The following ZC3H4 variants were observed in gnomAD, a reference collection of about 807,000 sequenced individuals.
ZC3H4 encodes zinc finger CCCH-type containing 4.
A neutral mutation model predicts 108.3 loss-of-function variants in ZC3H4; 13 were observed. The ratio of observed to expected loss-of-function variants is 0.12; its 90% CI spans 0.08 to 0.19. The LOEUF (loss-of-function observed/expected upper bound fraction) is 0.19. Among genes scored for constraint, ZC3H4 ranks in the 10% least tolerant of loss-of-function variants. The pLI is 1.00. For synonymous variants in ZC3H4, 917 were observed against 749.6 expected (o/e 1.22, Z -3.65); for missense variants, 1,734 against 1,838.8 (o/e 0.94, Z 1.04).
Position 47,085,094 on chromosome 19 carries a change from T to C in ZC3H4, c.1069A>G (p.Met357Val), listed in dbSNP as rs774988628. The C allele has an allele frequency of 6.8e-6, 11 of 1,614,108 alleles. No individual in the cohort carries two copies. The Admixed American group carries it at 1.2e-4, about 17-fold the overall frequency. Residue 357 changes from methionine (M) to valine (V), a missense_variant, in exon 8 of 15, where the codon ATG (methionine) becomes GTG (valine). Around this residue, in one of 9 missense-constraint regions of ZC3H4, gnomAD observed 403 missense variants for 457.0 expected, o/e 0.88. Transcript: ENST00000253048. The stretch of plus-strand genomic sequence containing the variant: ...TCATAGAAGTCTTCGTCATCGTTCA[T>C]TCCGCCCTTGTTCATCCCTCCTCGG... ...GSRGGMNKGG[M>V]NDDEDFYDED...
rs1353099622 is a variant in ZC3H4, at chr19:47,094,621, C to T, written c.162-13G>A. ...CTCTCCATCTTCCCTACAAACAAAC[C>T]CCAATCCCACCATGAACACAGGGTT... On this transcript the variant is annotated splice_polypyrimidine_tract_variant and intron_variant, in intron 2 of 14. Transcript: ENST00000253048. 1 of 1,613,572 alleles carries T rather than the reference C, an allele frequency of 6.2e-7. No homozygotes were observed. Among genetic ancestry groups the T allele is most frequent in the East Asian group, 2.2e-5 (1 of 44,868 alleles).
In ZC3H4 at chr19:47,081,519, C is replaced by T. The variant is rs2057523236; in HGVS notation, c.1434G>A (p.Leu478=). ...DPLTEETREL[L]DKMLADDAEA... ...CGTTACCCCCGGACATTACCTTATC[C>T]AAGAGCTCCCTCGTCTCTTCGGTCA... The change falls in exon 11 of 15, where the codon TTG becomes TTA. Residue 478 remains leucine, a synonymous_variant. Transcript: ENST00000253048. 6.2e-7 allele frequency: 1 copy of T among 1,614,188 alleles called. No individual in the cohort carries two copies. Among genetic ancestry groups the T allele is most frequent in the Non-Finnish European group, 8.5e-7 (1 of 1,180,018 alleles).
rs745874098 is a variant in ZC3H4 at position 47,066,787 on chromosome 19, T to G, written c.3481A>C (p.Thr1161Pro). ...PRTPNAGGKA[T>P]EPAADTGAQP... Reference sequence around the variant, plus strand: ...GCACCCGTGTCAGCAGCCGGCTCTGTGGCTTTGCCCCCCGCGTTGGGAGTC... The same window carrying G: ...GCACCCGTGTCAGCAGCCGGCTCTGGGGCTTTGCCCCCCGCGTTGGGAGTC... The change falls in exon 15 of 15, where the codon ACA becomes CCA. Residue 1161 changes from threonine to proline, a missense_variant. This residue lies in a region of ZC3H4 where 518 missense variants were observed against 499.6 expected (regional missense o/e 1.04). Coordinates refer to ENST00000253048, the MANE Select transcript of ZC3H4 (RefSeq NM_015168.2). 44 of 1,601,520 alleles carry G rather than the reference T, an allele frequency of 2.7e-5. No homozygotes were observed. Among genetic ancestry groups the G allele is most frequent in the Non-Finnish European group, 3.6e-5 (43 of 1,178,350 alleles).
chr19:47,103,108 C>A (rs549784650), intron 2 of ZC3H4, among the ~76,000 whole-genome samples: 40 of 152,280 alleles, frequency 2.6e-4, no homozygotes, highest in Admixed American at 9.2e-4. Context: ...ATCCAAGTTA[C>A]TCCTGGCAGA....
At chr19:47,088,286 G>A (rs1187219195) in intron 5 of ZC3H4, among the ~76,000 whole-genome samples, 2 of 151,926 alleles carry the variant, frequency 1.3e-5, no homozygotes, top group Non-Finnish European at 2.9e-5. Context: ...AGTGGCTCAC[G>A]CCTGTAATCC....
chr19:47,071,280 G>A (rs530770534), intron 13 of ZC3H4, among the ~76,000 whole-genome samples: 2 of 152,282 alleles, frequency 1.3e-5, no homozygotes, highest in Admixed American at 6.5e-5. Context: ...CATCTCCTAT[G>A]GCTGCAGCAG....
At chr19:47,071,663 T>A in intron 13 of ZC3H4, 115 bp downstream of exon 13, 1 of 1,113,498 alleles carries the variant, frequency 9.0e-7, no homozygotes. Flanking sequence ...GGGACAGAGA[T>A]GGAGTCATGC....
chr19:47,095,847 C>T (rs1217552453), intron 2 of ZC3H4, among the ~76,000 whole-genome samples: 4 of 152,158 alleles, frequency 2.6e-5, no homozygotes, highest in Admixed American at 6.5e-5. Flanking sequence ...CAACTCCTTC[C>T]GTCTCAATTA....
At chr19:47,106,243 C>T (rs1434212474) in intron 2 of ZC3H4, among the ~76,000 whole-genome samples, 3 of 152,200 alleles carry the variant, frequency 2.0e-5, no homozygotes, top group Non-Finnish European at 4.4e-5. Context: ...TAGCTGTCCA[C>T]CACCCATCAC....
intron 5 of ZC3H4, among the ~76,000 whole-genome samples, chr19:47,089,230 AGAAT>A (rs1466161017): frequency 3.3e-5 from 5 of 149,606 alleles, no homozygotes; most frequent in African/African-American, 4.9e-5. Flanking sequence ...AAAAAAAAAA[AGAAT>A]GAATGAACAG....
rs903359676 is a variant in ZC3H4, at chr19:47,065,946, C to T, written c.*410G>A. On this transcript the variant is annotated 3_prime_UTR_variant, in exon 15 of 15. Transcript: ENST00000253048. ...GTCTCTTCGGGCACAGGGTGAGGAG[C>T]GTTCAATACCTTCCCAGACACCAAC... 1.2e-5 allele frequency: 2 copies of T among 161,730 alleles called. No individual in the cohort carries two copies. The highest frequency in any genetic ancestry group is 2.0e-4 in the South Asian group (1 of 5,020). The allele number at this position is 161,730 out of a possible 1,614,324, so 10.0% of individuals were successfully genotyped here.
At chr19:47,081,130 G>A (rs946034080) in intron 11 of ZC3H4, among the ~76,000 whole-genome samples, 7 of 152,062 alleles carry the variant, frequency 4.6e-5, no homozygotes, top group African/African-American at 1.7e-4. Context: ...GAACTCCTGA[G>A]CTCAACTGAT....
rs141967234 is a variant in ZC3H4, at chr19:47,067,831, C to T, written c.2437G>A (p.Gly813Ser). The change falls in exon 15 of 15, where the codon GGT becomes AGT. Residue 813 changes from glycine to serine, a missense_variant. By Grantham distance (56) the Gly-to-Ser change is moderately conservative. Around this residue, in one of 9 missense-constraint regions of ZC3H4, gnomAD observed 540 missense variants for 484.1 expected, o/e 1.12. Coordinates refer to ENST00000253048, the MANE Select transcript of ZC3H4 (RefSeq NM_015168.2). This position sits in a 1 kb window ranked among gnomAD's most constrained non-coding sequence, Gnocchi z 6.4. ...AGGATGGAGGTGACACTGCTTCCACCCTCATCCTCATCACTTGAGTACCAG... is the reference window on the plus strand; with the variant it reads ...AGGATGGAGGTGACACTGCTTCCACTCTCATCCTCATCACTTGAGTACCAG... ...GNWYSSDEDE[G>S]GSSVTSILKT... The T allele has an allele frequency of 1.2e-6, 2 of 1,606,054 alleles. No homozygotes were observed. The highest frequency in any genetic ancestry group is 1.3e-5 in the African/African-American group (1 of 74,920).
Position 47,065,030 on chromosome 19 carries a change from C to T in ZC3H4, c.*1326G>A, listed in dbSNP as rs139795017. 1 of 152,460 alleles carries T rather than the reference C, an allele frequency of 6.6e-6. No individual in the cohort carries two copies. Among genetic ancestry groups the T allele is most frequent in the East Asian group, 1.9e-4 (1 of 5,168 alleles). 9.4% of individuals were successfully genotyped at this position (152,460 alleles called of 1,614,324 possible). On this transcript the variant is annotated 3_prime_UTR_variant, in exon 15 of 15. Transcript: ENST00000253048. The stretch of plus-strand genomic sequence containing the variant: ...AGCCACAAGCACACACTTCCTGAGG[C>T]CCCTCAAGTGGCCCAGAGGCAGGAT...
At chr19:47,106,128 G>A (rs937743628) in intron 2 of ZC3H4, among the ~76,000 whole-genome samples, 1 of 152,186 alleles carries the variant, frequency 6.6e-6, no homozygotes, top group Non-Finnish European at 1.5e-5. Flanking sequence ...TGACCTTCAG[G>A]TCAATTGTGC....
chr19:47,076,791 G>C (rs989813945), intron 11 of ZC3H4, among the ~76,000 whole-genome samples: 1 of 152,022 alleles, frequency 6.6e-6, no homozygotes, highest in African/African-American at 2.4e-5. Context: ...TCAGGAGTTC[G>C]AGACCAGCCT....
chr19:47,112,634 G>C, intron 1 of ZC3H4, 45 bp from the exon 2 acceptor site: 1 of 1,212,490 alleles, frequency 8.2e-7, no homozygotes, highest in Non-Finnish European at 1.0e-6. Flanking sequence ...GGACTGCTTG[G>C]GCGTGGCGGG....
intron 2 of ZC3H4, among the ~76,000 whole-genome samples, chr19:47,107,564 C>CA (rs1385921187): frequency 6.4e-4 from 92 of 144,680 alleles, no homozygotes; most frequent in Non-Finnish European, 7.4e-4. Flanking sequence ...TGCGAAATGG[C>CA]AAAAAAAATA....
At position 47,081,504 on chromosome 19, in the gene ZC3H4, G is replaced by C. The variant is rs75022794; in HGVS notation, c.1440+9C>G. The C allele has an allele frequency of 2.5e-6, 4 of 1,613,406 alleles. No homozygotes were observed. Among genetic ancestry groups the C allele is most frequent in the Non-Finnish European group, 3.4e-6 (4 of 1,179,538 alleles). ...TGTAGCCGGGGGCCCCGTTACCCCC[G>C]GACATTACCTTATCCAAGAGCTCCC... is the stretch of plus-strand genomic sequence containing the variant. On this transcript the variant is annotated intron_variant, in intron 11 of 14. Coordinates refer to ENST00000253048, the MANE Select transcript of ZC3H4 (RefSeq NM_015168.2).
Sources: allele counts gnomAD v4.1 joint callset (sites outside exome capture counted in the v4.1 genomes callset), GRCh38; gene constraint gnomAD v4.1.1; regional missense constraint gnomAD v4.1.1; non-coding constraint Gnocchi (gnomAD v3.1); transcripts MANE v1.5; gene names NCBI Gene and HGNC (gene_info 2026-07-23, HGNC 2026-07-21).